The following SYPL1 variants were observed in gnomAD, a reference collection of about 807,000 sequenced individuals.
SYPL1 encodes synaptophysin-like protein 1.
A neutral mutation model predicts 23.7 loss-of-function variants in SYPL1; 6 were observed. The ratio of observed to expected loss-of-function variants is 0.25; its 90% CI spans 0.14 to 0.50. The LOEUF is 0.50. Ranked by LOEUF, SYPL1 falls within the 20% of genes least tolerant of loss-of-function variation. SYPL1 has a pLI of 0.98. For synonymous variants in SYPL1, 102 were observed against 104.5 expected (o/e 0.98, Z 0.15); for missense variants, 253 against 288.9 (o/e 0.88, Z 0.90).
chr7:106,099,123 A>G, intron 2 of SYPL1, 35 bp downstream of exon 2: 1 of 1,582,182 alleles, frequency 6.3e-7, no homozygotes, highest in Middle Eastern at 1.7e-4. Context: ...GAAAGTAAAA[A>G]GAGTTGTGAA....
chr7:106,100,965 C>T lies in SYPL1; in HGVS notation c.70-1683G>A, dbSNP rs548118243. On this transcript the variant is annotated intron_variant, in intron 1 of 4. Transcript: ENST00000455385. This position sits in a 1 kb window ranked among gnomAD's most constrained non-coding sequence, Gnocchi z 5.1. The stretch of plus-strand genomic sequence containing the variant: ...CTGTATACACAAACTGCTTTCCATG[C>T]GATACCTTTAATGACACGGGATAAA... 3.3e-5 allele frequency among the ~76,000 whole-genome samples: 5 copies of T among 152,296 alleles called. No homozygotes were observed. The South Asian group carries it at 8.3e-4, about 25-fold the overall frequency.
chr7:106,097,498 C>T lies in SYPL1; in HGVS notation c.402+192G>A, dbSNP rs1194594169. On this transcript the variant is annotated intron_variant, in intron 3 of 4. Coordinates refer to ENST00000455385, the MANE Select transcript of SYPL1 (RefSeq NM_182715.4). The surrounding 1 kb of genome is among the most constrained non-coding windows in gnomAD (Gnocchi z 4.6). ...AAAATAGATTTAAAAAAGAAATAAACTTTCCTTATAGTGCAAATAGGCTAA... is the reference window on the plus strand; with the variant it reads ...AAAATAGATTTAAAAAAGAAATAAATTTTCCTTATAGTGCAAATAGGCTAA... Among the ~76,000 whole-genome samples, 1 of 152,072 alleles carries T rather than the reference C, an allele frequency of 6.6e-6. No homozygotes were observed. Among genetic ancestry groups the T allele is most frequent in the Non-Finnish European group, 1.5e-5 (1 of 68,016 alleles).
chr7:106,106,835 A>G (rs891900260), intron 1 of SYPL1, among the ~76,000 whole-genome samples: 1 of 152,144 alleles, frequency 6.6e-6, no homozygotes, highest in Non-Finnish European at 1.5e-5. Flanking sequence ...GACAAGAGTG[A>G]GACCCTGTCT....
At chr7:106,092,406 C>G (rs1462775472) in intron 4 of SYPL1, 1 of 218,088 alleles carries the variant, frequency 4.6e-6, no homozygotes. Flanking sequence ...GGTGTGGCAG[C>G]TCATGCCAGT....
At chr7:106,112,562 C>G, upstream of SYPL1, 1 of 1,491,366 alleles carries the variant, frequency 6.7e-7, no homozygotes, top group Non-Finnish European at 8.9e-7. Context: ...CCCTGCGGTT[C>G]AGCCCCTGGC....
At chr7:106,112,049 G>A in intron 1 of SYPL1, 91 bp downstream of exon 1, 2 of 1,210,094 alleles carry the variant, frequency 1.7e-6, no homozygotes, top group Non-Finnish European at 2.1e-6. Context: ...CCGCGCGGCA[G>A]GGCTGCGTCC....
rs769091759 is a variant in SYPL1, at chr7:106,095,251, T to C, written c.403-2114A>G. Among the ~76,000 whole-genome samples the C allele has an allele frequency of 6.6e-6, 1 of 152,154 alleles. No homozygotes were observed. Among genetic ancestry groups the C allele is most frequent in the African/African-American group, 2.4e-5 (1 of 41,436 alleles). On this transcript the variant is annotated intron_variant, in intron 3 of 4. Transcript: ENST00000455385. This position sits in a 1 kb window ranked among gnomAD's most constrained non-coding sequence, Gnocchi z 4.3. ...CTCCTAGAAACACCTTAGCACAGAATTGAGAATATTGCTAAAAGGGCTTGT... is the reference window on the plus strand; with the variant it reads ...CTCCTAGAAACACCTTAGCACAGAACTGAGAATATTGCTAAAAGGGCTTGT...
chr7:106,101,454 C>T (rs911521918), intron 1 of SYPL1, among the ~76,000 whole-genome samples: 5 of 6,256 alleles, frequency 8.0e-4, no homozygotes, highest in Non-Finnish European at 1.8e-3. Context: ...CCCCCCCCCC[C>T]CCCCCCCCCC....
intron 1 of SYPL1, among the ~76,000 whole-genome samples, chr7:106,106,733 T>A (rs116344560): frequency 0.018 from 2,757 of 151,412 alleles, 87 homozygotes; most frequent in African/African-American, 0.064. Flanking sequence ...CAGTCCCAGC[T>A]ACCCAGTAGA....
At chr7:106,101,856 G>T (rs1840340659) in intron 1 of SYPL1, among the ~76,000 whole-genome samples, 1 of 151,774 alleles carries the variant, frequency 6.6e-6, no homozygotes. Flanking sequence ...GAATAGACTA[G>T]TGTGTATAAG....
intron 1 of SYPL1, among the ~76,000 whole-genome samples, chr7:106,101,465 C>G (rs1380992134): frequency 8.1e-5 from 5 of 61,980 alleles, no homozygotes; most frequent in African/African-American, 2.1e-4. Flanking sequence ...CCCCCCCCCC[C>G]CCACAAAAAA....
chr7:106,106,000 C>T (rs886934286), intron 1 of SYPL1, among the ~76,000 whole-genome samples: 15 of 152,208 alleles, frequency 9.9e-5, no homozygotes, highest in African/African-American at 3.4e-4. Context: ...AGCATTCATA[C>T]TACTCTATGA....
At chr7:106,102,382 C>A (rs993750308) in intron 1 of SYPL1, among the ~76,000 whole-genome samples, 8 of 152,220 alleles carry the variant, frequency 5.3e-5, no homozygotes, top group Admixed American at 2.6e-4. Context: ...AGGCTTGAAC[C>A]ACAACGCCCG....
chr7:106,102,217 T>A (rs1840361607), intron 1 of SYPL1, among the ~76,000 whole-genome samples: 1 of 152,072 alleles, frequency 6.6e-6, no homozygotes, highest in African/African-American at 2.4e-5. Flanking sequence ...CTCAGCCTCC[T>A]GAGTAGCAGG....
chr7:106,094,085 T>C (rs895134348), intron 3 of SYPL1, among the ~76,000 whole-genome samples: 4 of 152,240 alleles, frequency 2.6e-5, no homozygotes, highest in Admixed American at 6.5e-5. Context: ...GCTAAACATA[T>C]GCGTACACTC....
intron 1 of SYPL1, among the ~76,000 whole-genome samples, chr7:106,107,616 C>T (rs1840672915): frequency 6.6e-6 from 1 of 151,962 alleles, no homozygotes; most frequent in Non-Finnish European, 1.5e-5. Flanking sequence ...GTGGCACACG[C>T]CTGTAGTCCC....
chr7:106,099,192 T>C lies in SYPL1; in HGVS notation c.160A>G (p.Lys54Glu), dbSNP rs747685560. The stretch of plus-strand genomic sequence containing the variant: ...TAACCAAAAGTAGCTGTAACAGTTT[T>C]ATTCTCAGTAACTGCAGGAGGACAA... Reference protein sequence around the residue: ...VNCPPAVTENKTVTATFGYPF... With the variant: ...VNCPPAVTENETVTATFGYPF... The change falls in exon 2 of 5, where the codon AAA (lysine) becomes GAA (glutamate). Residue 54 changes from lysine to glutamate, a missense_variant. By Grantham distance (56) the Lys-to-Glu change is moderately conservative. Transcript: ENST00000455385. 3 of 1,613,952 alleles carry C rather than the reference T, an allele frequency of 1.9e-6. No individual in the cohort carries two copies. Among genetic ancestry groups the C allele is most frequent in the Admixed American group, 1.7e-5 (1 of 59,974 alleles).
At position 106,095,190 on chromosome 7, in the gene SYPL1, G is replaced by C. The variant is rs942112219; in HGVS notation, c.403-2053C>G. Among the ~76,000 whole-genome samples the C allele has an allele frequency of 3.3e-5, 5 of 151,978 alleles. No homozygotes were observed. The highest frequency in any genetic ancestry group is 1.2e-4 in the African/African-American group (5 of 41,380). On this transcript the variant is annotated intron_variant, in intron 3 of 4. Transcript: ENST00000455385. The surrounding 1 kb of genome is among the most constrained non-coding windows in gnomAD (Gnocchi z 4.3). ...AAAGTGCTATATTTACTTCAAAAGAGAATTGAAGTAGATTTAAATTTTCAT... is the reference window on the plus strand; with the variant it reads ...AAAGTGCTATATTTACTTCAAAAGACAATTGAAGTAGATTTAAATTTTCAT...
In SYPL1 at chr7:106,091,835, T is replaced by C. The variant is rs201252738; in HGVS notation, c.696A>G (p.Gln232=). 195 of 1,613,284 alleles carry C rather than the reference T, an allele frequency of 1.2e-4. No individual in the cohort carries two copies. The highest frequency in any genetic ancestry group is 1.5e-4 in the Non-Finnish European group (180 of 1,179,678). Residue 232 remains glutamine, a synonymous_variant, in exon 5 of 5, where the codon CAA becomes CAG. Coordinates refer to ENST00000455385, the MANE Select transcript of SYPL1 (RefSeq NM_182715.4). The surrounding 1 kb of genome is among the most constrained non-coding windows in gnomAD (Gnocchi z 5.0). The stretch of plus-strand genomic sequence containing the variant: ...TTCCGGTAGGAGGTGGAATACCTCC[T>C]TGGCTATGAGGGGCAGATGTATTTG... ...SPSNTSAPHS[Q]GGIPPPTGI
Sources: gnomAD v4.1 joint callset for allele counts (sites outside exome capture counted in the v4.1 genomes callset) on GRCh38, gnomAD v4.1.1 for gene constraint, Gnocchi (gnomAD v3.1) non-coding constraint, MANE v1.5 for transcripts, NCBI Gene and HGNC (gene_info 2026-07-23, HGNC 2026-07-21) for gene names.